The following ATG5 variants were observed in gnomAD, a reference collection of about 807,000 sequenced individuals.
ATG5 encodes the protein autophagy protein 5.
ATG5 carries 14 observed loss-of-function variants against 36.5 expected under a neutral mutation model. The ratio of observed to expected loss-of-function variants is 0.38; its 90% CI spans 0.25 to 0.60. The LOEUF (loss-of-function observed/expected upper bound fraction) is 0.60. ATG5 is among the 20% of genes least tolerant of loss of function. ATG5 has a pLI of 0.60. For missense variants in ATG5, 195 were observed against 326.7 expected (o/e 0.60, Z 3.11); for synonymous variants, 95 against 101.5 (o/e 0.94, Z 0.38).
chr6:106,209,281 C>CATT (rs1776762197), intron 6 of ATG5, among the ~76,000 whole-genome samples: 1 of 152,176 alleles, frequency 6.6e-6, no homozygotes, highest in Non-Finnish European at 1.5e-5. Context: ...CAGGGCTACC[C>CATT]ATTAAAACAG....
At chr6:106,283,237 A>G (rs954710399) in intron 4 of ATG5, among the ~76,000 whole-genome samples, 18 of 152,158 alleles carry the variant, frequency 1.2e-4, no homozygotes, top group Non-Finnish European at 2.5e-4. Flanking sequence ...TGATCATGAA[A>G]TATACTGGCT....
chr6:106,207,713 G>A (rs373437300), intron 6 of ATG5, among the ~76,000 whole-genome samples: 3 of 152,228 alleles, frequency 2.0e-5, no homozygotes, highest in Non-Finnish European at 2.9e-5. Context: ...TAACAGGCAC[G>A]ATCATCACAA....
chr6:106,258,275 G>A (rs1357914302), intron 5 of ATG5, among the ~76,000 whole-genome samples: 1 of 151,794 alleles, frequency 6.6e-6, no homozygotes, highest in African/African-American at 2.4e-5. Context: ...AGACTGATAT[G>A]GGAAGACTGA....
intron 6 of ATG5, among the ~76,000 whole-genome samples, chr6:106,229,430 C>G (rs201822659): frequency 6.7e-6 from 1 of 150,206 alleles, no homozygotes; most frequent in Non-Finnish European, 1.5e-5. Context: ...GAGAGAGAGA[C>G]AGAGAGGAGA....
chr6:106,207,997 C>T (rs777867283), intron 6 of ATG5, among the ~76,000 whole-genome samples: 8 of 152,168 alleles, frequency 5.3e-5, no homozygotes, highest in Non-Finnish European at 1.2e-4. Context: ...GAGGCTGAGG[C>T]AGGAGAATTG....
At chr6:106,218,303 T>C (rs965685707) in intron 6 of ATG5, among the ~76,000 whole-genome samples, 1 of 152,188 alleles carries the variant, frequency 6.6e-6, no homozygotes, top group Admixed American at 6.5e-5. Context: ...ACTTAAAATA[T>C]GGTGTTTTAT....
Position 106,186,556 on chromosome 6 carries a change from G to C in ATG5, c.812C>G (p.Pro271Arg). 1.2e-6 allele frequency: 2 copies of C among 1,613,626 alleles called. No homozygotes were observed. The highest frequency in any genetic ancestry group is 2.2e-5 in the South Asian group (2 of 91,056). ...PDNFLHISII[P>R]QPTD ...GTTGATCCTTCAATCTGTTGGCTGT[G>C]GGATGATACTAATATGAAGAAAATT... Residue 271 changes from proline (P) to arginine (R), a missense_variant, in exon 8 of 8, where the codon CCA becomes CGA. Coordinates refer to ENST00000369076, the MANE Select transcript of ATG5 (RefSeq NM_004849.4).
chr6:106,210,069 C>T (rs1776798388), intron 6 of ATG5, among the ~76,000 whole-genome samples: 1 of 152,246 alleles, frequency 6.6e-6, no homozygotes, highest in African/African-American at 2.4e-5. Context: ...TGACTTTTAA[C>T]CTTTCAACCT....
chr6:106,189,423 A>AC (rs2114304942), intron 7 of ATG5, among the ~76,000 whole-genome samples: 1 of 151,928 alleles, frequency 6.6e-6, no homozygotes, highest in South Asian at 2.1e-4. Flanking sequence ...TGGGCAACAG[A>AC]CCCCATCTCT....
At chr6:106,307,535 CTTTTTTTTTTTTT>C (rs34511184) in intron 3 of ATG5, among the ~76,000 whole-genome samples, 10 of 105,158 alleles carry the variant, frequency 9.5e-5, no homozygotes, top group African/African-American at 3.1e-4. Flanking sequence ...TTTCAATACC[CTTTTTTTTTTTTT>C]TTTTTTTTGA....
rs185204415 is a variant in ATG5 at position 106,320,298 on chromosome 6, A to G, written c.-58-4032T>C. ...GCAGGGGAAAGAGGAGGGGTTGGAG[A>G]TATTAATACATCCTATAGTGTTCAA... On this transcript the variant is annotated intron_variant, in intron 1 of 7. Coordinates refer to ENST00000369076, the MANE Select transcript of ATG5 (RefSeq NM_004849.4). Among the ~76,000 whole-genome samples, 258 of 152,328 alleles carry G rather than the reference A, an allele frequency of 1.7e-3. 2 individuals carry two copies. Among genetic ancestry groups the G allele is most frequent in the African/African-American group, 5.9e-3 (246 of 41,570 alleles).
chr6:106,243,871 A>G (rs1778225778), intron 6 of ATG5, among the ~76,000 whole-genome samples: 2 of 149,682 alleles, frequency 1.3e-5, no homozygotes, highest in Admixed American at 1.3e-4. Flanking sequence ...TAAAAAATAT[A>G]TAAAAATAAA....
intron 6 of ATG5, among the ~76,000 whole-genome samples, chr6:106,236,957 C>T (rs537355867): frequency 1.3e-5 from 2 of 152,130 alleles, no homozygotes; most frequent in Non-Finnish European, 2.9e-5. Flanking sequence ...TACATCTATA[C>T]ACACATATAA....
chr6:106,231,279 T>C (rs926939059), intron 6 of ATG5, among the ~76,000 whole-genome samples: 1 of 152,204 alleles, frequency 6.6e-6, no homozygotes, highest in African/African-American at 2.4e-5. Context: ...TATGGAGAGA[T>C]ATAATGTTAC....
In ATG5 at chr6:106,262,482, G is replaced by C. The variant is rs553763726; in HGVS notation, c.479-14238C>G. On this transcript the variant is annotated intron_variant, in intron 5 of 7. Transcript: ENST00000369076. ...TAACAGACAAAACAAAAAAGGATTA[G>C]AAAAGTAAGTACATCTAAAGTTTTC... is the stretch of plus-strand genomic sequence containing the variant. Among the ~76,000 whole-genome samples the C allele has an allele frequency of 2.1e-4, 32 of 152,276 alleles. No homozygotes were observed. In the South Asian group the frequency reaches 6.6e-3, roughly 32 times the overall value.
At chr6:106,243,905 T>C (rs970712115) in intron 6 of ATG5, among the ~76,000 whole-genome samples, 1 of 810 alleles carries the variant, frequency 1.2e-3, no homozygotes, top group Non-Finnish European at 2.7e-3. Flanking sequence ...GGAACCATCC[T>C]TTTTTTTTTT....
chr6:106,229,432 G>A (rs902800200), intron 6 of ATG5, among the ~76,000 whole-genome samples: 2 of 149,954 alleles, frequency 1.3e-5, no homozygotes, highest in Admixed American at 1.3e-4. Flanking sequence ...GAGAGAGACA[G>A]AGAGGAGAGA....
At chr6:106,262,322 C>A (rs1259042075) in intron 5 of ATG5, among the ~76,000 whole-genome samples, 1 of 152,094 alleles carries the variant, frequency 6.6e-6, no homozygotes. Flanking sequence ...CCTCGGCCTC[C>A]CAAAGTGCTG....
At chr6:106,252,349 TA>T (rs879940962) in intron 5 of ATG5, among the ~76,000 whole-genome samples, 2,706 of 143,434 alleles carry the variant, frequency 0.019, 27 homozygotes, top group Middle Eastern at 0.042. Flanking sequence ...TTCAATCAAT[TA>T]AAAAAAAAAA....
Sources: gnomAD v4.1 joint callset for allele counts (sites outside exome capture counted in the v4.1 genomes callset) on GRCh38, gnomAD v4.1.1 for gene constraint, MANE v1.5 for transcripts, NCBI Gene and HGNC (gene_info 2026-07-23, HGNC 2026-07-21) for gene names.